The following NADSYN1 variants were observed in gnomAD, a reference collection of about 807,000 sequenced individuals.
NADSYN1 encodes glutamine-dependent NAD(+) synthetase.
NADSYN1 carries 80 observed loss-of-function variants against 99.3 expected under a neutral mutation model. The ratio of observed to expected loss-of-function variants is 0.81; its 90% CI spans 0.67 to 0.97. NADSYN1 has a LOEUF of 0.97. Ranked by LOEUF, NADSYN1 falls within the 50% of genes least tolerant of loss-of-function variation. The pLI, the probability that NADSYN1 is intolerant of heterozygous loss-of-function variation, is 0.00. For missense variants in NADSYN1, 859 were observed against 948.5 expected, an observed-to-expected ratio of 0.91 and a Z score of 1.24; for synonymous variants, 385 against 372.1, an observed-to-expected ratio of 1.03 and a Z score of -0.40.
In NADSYN1 at chr11:71,484,296, A is replaced by C. The variant is rs745377969; in HGVS notation, c.1320-16A>C. On this transcript the variant is annotated splice_polypyrimidine_tract_variant and intron_variant, in intron 14 of 20. Coordinates refer to ENST00000319023, the MANE Select transcript of NADSYN1 (RefSeq NM_018161.5). ...CGTGCACATGCTGCCTTCAACGCCT[A>C]TCCTTCTCCTTCCAGCCACCACATC... The C allele has an allele frequency of 6.2e-7, 1 of 1,611,408 alleles. No individual in the cohort carries two copies.
At chr11:71,486,232 T>C (rs1023798431) in intron 16 of NADSYN1, among the ~76,000 whole-genome samples, 1 of 152,260 alleles carries the variant, frequency 6.6e-6, no homozygotes, top group Non-Finnish European at 1.5e-5. Context: ...CCTTAGGAGC[T>C]GAGGGATTTC....
rs997052544 is a variant in NADSYN1 at position 71,481,829 on chromosome 11, C to T, written c.1048-94C>T. 6.1e-5 allele frequency: 66 copies of T among 1,086,554 alleles called. No homozygotes were observed. The African/African-American group carries it at 8.8e-4, about 14-fold the overall frequency. The allele number at this position is 1,086,554 out of a possible 1,614,324, so 67.3% of individuals were successfully genotyped here. A position where few individuals can be genotyped will look rare whatever the true frequency, so the allele number is the denominator to read the frequency against. Reference sequence around the variant, plus strand: ...TAACACCCACGTGCATTTCTGTGGACGCCTCCTTGAGGTCTATGGGTGGAG... The same window carrying T: ...TAACACCCACGTGCATTTCTGTGGATGCCTCCTTGAGGTCTATGGGTGGAG... On this transcript the variant is annotated intron_variant, in intron 12 of 20. Coordinates refer to ENST00000319023, the MANE Select transcript of NADSYN1 (RefSeq NM_018161.5).
rs1337954666 is a variant in NADSYN1, at chr11:71,474,488, G to A, written c.760G>A (p.Val254Ile). 8.7e-6 allele frequency: 14 copies of A among 1,614,098 alleles called. No individual in the cohort carries two copies. The highest frequency in any genetic ancestry group is 2.7e-5 in the African/African-American group (2 of 74,932). Residue 254 changes from valine to isoleucine, a missense_variant, in exon 9 of 21, where the codon GTC becomes ATC. Transcript: ENST00000319023. The part of the protein sequence containing the change: ...GCAMIAMNGS[V>I]FAQGSQFSLD... ...TGCCATGATTGCCATGAACGGAAGCGTCTTTGCTCAAGGATCCCAGTTTTC... is the reference window on the plus strand; with the variant it reads ...TGCCATGATTGCCATGAACGGAAGCATCTTTGCTCAAGGATCCCAGTTTTC...
chr11:71,476,697 T>A, intron 9 of NADSYN1: 1 of 943,128 alleles, frequency 1.1e-6, no homozygotes, highest in Non-Finnish European at 1.2e-6. Flanking sequence ...TTCCTGCTGA[T>A]GGGAAGTGTG....
At chr11:71,477,536 T>C in intron 9 of NADSYN1, 2 of 972,920 alleles carry the variant, frequency 2.1e-6, no homozygotes, top group South Asian at 1.5e-5. Context: ...GTTCCCGCTG[T>C]CCCACACTCG....
intron 2 of NADSYN1, among the ~76,000 whole-genome samples, chr11:71,455,673 A>G (rs1178565283): frequency 1.3e-5 from 2 of 152,228 alleles, no homozygotes; most frequent in Non-Finnish European, 2.9e-5. Flanking sequence ...ACCAGTCCTT[A>G]CCAGATACCA....
chr11:71,472,068 G>A (rs1346004167), intron 5 of NADSYN1, among the ~76,000 whole-genome samples: 1 of 152,128 alleles, frequency 6.6e-6, no homozygotes, highest in African/African-American at 2.4e-5. Context: ...TCGGGTTAAT[G>A]CCACACGATT....
In NADSYN1 at chr11:71,463,331, G is replaced by A. The variant is rs569384909; in HGVS notation, c.264-101G>A. ...CGAAGGGATCGGAGGAAGCTTCGTA[G>A]TAAAGTAAAATGCATGATTCCAGAG... On this transcript the variant is annotated intron_variant, in intron 3 of 20. Transcript: ENST00000319023. The A allele has an allele frequency of 3.7e-5, 40 of 1,078,084 alleles. No individual in the cohort carries two copies. The African/African-American group carries it at 5.2e-4, about 14-fold the overall frequency. The allele number at this position is 1,078,084 out of a possible 1,614,324, so 66.8% of individuals were successfully genotyped here.
At chr11:71,483,824 TG>T (rs966068963) in intron 14 of NADSYN1, among the ~76,000 whole-genome samples, 1 of 152,154 alleles carries the variant, frequency 6.6e-6, no homozygotes, top group African/African-American at 2.4e-5. Flanking sequence ...GAAGAAACTG[TG>T]GTCCATTCAC....
chr11:71,497,891 T>C (rs1949830737), intron 19 of NADSYN1, among the ~76,000 whole-genome samples: 1 of 152,246 alleles, frequency 6.6e-6, no homozygotes, highest in Admixed American at 6.5e-5. Flanking sequence ...CAGAATAGTA[T>C]TGCTTTTCTG....
At chr11:71,455,210 G>A (rs777714929) in intron 2 of NADSYN1, 40 bp downstream of exon 2, 171 of 1,539,312 alleles carry the variant, frequency 1.1e-4, no homozygotes, top group South Asian at 1.2e-4. Flanking sequence ...GTCAGCTAGC[G>A]ATACCAGCAT....
chr11:71,463,218 T>A (rs1395949477), intron 3 of NADSYN1, among the ~76,000 whole-genome samples: 1 of 152,200 alleles, frequency 6.6e-6, no homozygotes, highest in Non-Finnish European at 1.5e-5. Context: ...TCCTCTAGGC[T>A]TAGAGTCGGT....
chr11:71,499,409 C>T, intron 20 of NADSYN1: 1 of 152,304 alleles, frequency 6.6e-6, no homozygotes, highest in Non-Finnish European at 1.5e-5. Flanking sequence ...TGTTTAGAGT[C>T]TGGCATGCAC....
chr11:71,484,629 A>G (rs1321520025), intron 15 of NADSYN1, 182 bp downstream of exon 15: 2 of 850,080 alleles, frequency 2.4e-6, no homozygotes, highest in Non-Finnish European at 3.5e-6. Context: ...GACGTCGGTC[A>G]TGCAGCCTTG....
chr11:71,480,366 G>T (rs993593454), intron 10 of NADSYN1: 11 of 196,188 alleles, frequency 5.6e-5, no homozygotes, highest in Admixed American at 5.6e-4. Flanking sequence ...TAGAGACAGG[G>T]TTTCATCATA....
chr11:71,456,512 C>T (rs898987551), intron 2 of NADSYN1, among the ~76,000 whole-genome samples: 11 of 152,210 alleles, frequency 7.2e-5, no homozygotes, highest in African/African-American at 2.7e-4. Context: ...ATCCTCATGT[C>T]CTGTCTGCTG....
chr11:71,491,322 C>T (rs760588931), intron 17 of NADSYN1, among the ~76,000 whole-genome samples: 1 of 152,280 alleles, frequency 6.6e-6, no homozygotes, highest in Non-Finnish European at 1.5e-5. Flanking sequence ...GATCAGTGTC[C>T]GGACCTTTCT....
At position 71,458,563 on chromosome 11, in the gene NADSYN1, G is replaced by A; in HGVS notation, c.263+19G>A. On this transcript the variant is annotated intron_variant, in intron 3 of 20. Transcript: ENST00000319023. ...TGGGGATGTAAGTGCCAGTGTGAGTGTGGAAGGGCAAACCTGGGACAAAGG... is the reference window on the plus strand; with the variant it reads ...TGGGGATGTAAGTGCCAGTGTGAGTATGGAAGGGCAAACCTGGGACAAAGG... 1 of 1,563,102 alleles carries A rather than the reference G, an allele frequency of 6.4e-7. No homozygotes were observed. The highest frequency in any genetic ancestry group is 1.3e-5 in the African/African-American group (1 of 74,206).
At chr11:71,453,618 G>T (rs373163969) in intron 1 of NADSYN1, among the ~76,000 whole-genome samples, 1 of 152,346 alleles carries the variant, frequency 6.6e-6, no homozygotes, top group Admixed American at 6.5e-5. Flanking sequence ...GTTAAGAAAA[G>T]TCTGGCGGCT....
Sources: allele counts gnomAD v4.1 joint callset (sites outside exome capture counted in the v4.1 genomes callset), GRCh38; gene constraint gnomAD v4.1.1; transcripts MANE v1.5; gene names NCBI Gene and HGNC (gene_info 2026-07-23, HGNC 2026-07-21).